Variants in UNC5D observed in about 807,000 individuals in gnomAD.
UNC5D encodes netrin receptor UNC5D.
UNC5D carries 39 observed loss-of-function variants against 105.4 expected under a neutral mutation model. That is an observed-to-expected ratio of 0.37 (90% CI 0.29 to 0.48). The LOEUF (loss-of-function observed/expected upper bound fraction) is 0.48, where lower values mean the gene tolerates loss of function less well. Among genes scored for constraint, UNC5D ranks in the 20% least tolerant of loss-of-function variants. UNC5D has a pLI of 0.98. For missense variants in UNC5D, 991 were observed against 1,202.4 expected (o/e 0.82, Z 2.60); for synonymous variants, 452 against 450.4 (o/e 1.00, Z -0.04).
intron 4 of UNC5D, among the ~76,000 whole-genome samples, chr8:35,659,330 ACCT>A (rs1366569064): frequency 6.6e-6 from 1 of 152,024 alleles, no homozygotes; most frequent in Non-Finnish European, 1.5e-5. Context: ...AAGTAAAGTG[ACCT>A]CCTCTTCTCT....
At position 35,793,156 on chromosome 8, in the gene UNC5D, T is replaced by C. The variant is rs917265783; in HGVS notation, c.*2593T>C. 17 of 456,076 alleles carry C rather than the reference T, an allele frequency of 3.7e-5. No homozygotes were observed. Among genetic ancestry groups the C allele is most frequent in the Admixed American group, 2.8e-4 (12 of 42,516 alleles). The allele number at this position is 456,076 out of a possible 1,614,324, so 28.3% of individuals were successfully genotyped here. A position where few individuals can be genotyped will look rare whatever the true frequency, so the allele number is the denominator to read the frequency against. On this transcript the variant is annotated 3_prime_UTR_variant, in exon 17 of 17. Transcript: ENST00000404895. ...TTGCTGCTAGGATCCTACATAGGATTTCTATAGAAATGTATGAAATTCTGT... is the reference window on the plus strand; with the variant it reads ...TTGCTGCTAGGATCCTACATAGGATCTCTATAGAAATGTATGAAATTCTGT...
intron 1 of UNC5D, among the ~76,000 whole-genome samples, chr8:35,482,376 G>A (rs1898829): frequency 0.42 from 64,361 of 151,948 alleles, 15,971 homozygotes; most frequent in African/African-American, 0.69. Context: ...CAAAATTTGG[G>A]CACATTTCTG....
At chr8:35,317,060 C>A (rs775243585) in intron 1 of UNC5D, among the ~76,000 whole-genome samples, 1 of 152,134 alleles carries the variant, frequency 6.6e-6, no homozygotes, top group Non-Finnish European at 1.5e-5. Flanking sequence ...ATTTCAATTT[C>A]TCCACTTTAT....
intron 4 of UNC5D, among the ~76,000 whole-genome samples, chr8:35,664,943 C>T (rs1824332355): frequency 6.6e-6 from 1 of 152,124 alleles, no homozygotes; most frequent in Non-Finnish European, 1.5e-5. Context: ...AAGTGATCCT[C>T]CCACTGCAGC....
chr8:35,562,438 T>C (rs1817029516), intron 2 of UNC5D, among the ~76,000 whole-genome samples: 1 of 152,144 alleles, frequency 6.6e-6, no homozygotes, highest in Admixed American at 6.6e-5. Flanking sequence ...TATATTAATT[T>C]ACATCCCCAA....
chr8:35,584,795 T>C (rs2579903), intron 3 of UNC5D, among the ~76,000 whole-genome samples: 15,881 of 152,096 alleles, frequency 0.1, 887 homozygotes, highest in African/African-American at 0.14. Context: ...GTTATAGCCT[T>C]TGTAAGACAC....
chr8:35,484,158 G>T (rs1810677133), intron 1 of UNC5D, among the ~76,000 whole-genome samples: 1 of 152,048 alleles, frequency 6.6e-6, no homozygotes, highest in South Asian at 2.1e-4. Flanking sequence ...CAAGCTCCTT[G>T]TCCAAAGCCC....
At chr8:35,572,931 G>A (rs1817839710) in intron 3 of UNC5D, among the ~76,000 whole-genome samples, 1 of 150,826 alleles carries the variant, frequency 6.6e-6, no homozygotes, top group Non-Finnish European at 1.5e-5. Context: ...AGCCTCCCAC[G>A]CAGCTGGGAC....
chr8:35,264,330 C>T (rs954609751), intron 1 of UNC5D, among the ~76,000 whole-genome samples: 8 of 151,760 alleles, frequency 5.3e-5, no homozygotes, highest in African/African-American at 1.9e-4. Context: ...AGGAGCAAAA[C>T]GCCTTTTCAT....
chr8:35,375,300 A>T (rs1264362312), intron 1 of UNC5D, among the ~76,000 whole-genome samples: 1 of 152,228 alleles, frequency 6.6e-6, no homozygotes, highest in African/African-American at 2.4e-5. Flanking sequence ...CACCAAGATA[A>T]TTAGCATGAG....
chr8:35,442,468 G>A (rs1483921661), intron 1 of UNC5D, among the ~76,000 whole-genome samples: 3 of 151,720 alleles, frequency 2.0e-5, no homozygotes, highest in Non-Finnish European at 2.9e-5. Flanking sequence ...TACTTAGGAG[G>A]AATTACAGTA....
chr8:35,282,175 ACAGCAG>A (rs1806233955), intron 1 of UNC5D, among the ~76,000 whole-genome samples: 2 of 152,170 alleles, frequency 1.3e-5, no homozygotes, highest in Admixed American at 1.3e-4. Flanking sequence ...GCCTCATGAA[ACAGCAG>A]CCACTCTCTG....
chr8:35,299,222 G>A (rs1458394928), intron 1 of UNC5D, among the ~76,000 whole-genome samples: 1 of 152,208 alleles, frequency 6.6e-6, no homozygotes, highest in Non-Finnish European at 1.5e-5. Flanking sequence ...ATGGGTGGGA[G>A]TGTGGAATTG....
At chr8:35,265,901 A>C (rs141733386) in intron 1 of UNC5D, among the ~76,000 whole-genome samples, 3,340 of 148,124 alleles carry the variant, frequency 0.023, 128 homozygotes, top group African/African-American at 0.079. Flanking sequence ...TAATAATAAT[A>C]ATAATATATC....
intron 8 of UNC5D, among the ~76,000 whole-genome samples, chr8:35,716,856 T>C (rs182545624): frequency 1.5e-4 from 23 of 152,366 alleles, no homozygotes; most frequent in Admixed American, 1.2e-3. Context: ...AAATGTTTGC[T>C]TCTTGATGAC....
chr8:35,588,203 C>T (rs1054191094), intron 3 of UNC5D, among the ~76,000 whole-genome samples: 5 of 151,774 alleles, frequency 3.3e-5, no homozygotes, highest in African/African-American at 1.2e-4. Context: ...ATGCTCCACC[C>T]TCTCAATATA....
intron 1 of UNC5D, among the ~76,000 whole-genome samples, chr8:35,427,516 C>T (rs1412562712): frequency 1.3e-5 from 2 of 152,156 alleles, no homozygotes; most frequent in African/African-American, 4.8e-5. Context: ...AGTGAGACAG[C>T]TTTGTCCATC....
intron 1 of UNC5D, among the ~76,000 whole-genome samples, chr8:35,336,294 T>C (rs1342913528): frequency 1.3e-5 from 2 of 152,198 alleles, no homozygotes; most frequent in Non-Finnish European, 2.9e-5. Flanking sequence ...GGACATCATT[T>C]AACCTCTCTA....
At chr8:35,387,356 C>G (rs942947885) in intron 1 of UNC5D, among the ~76,000 whole-genome samples, 10 of 106,130 alleles carry the variant, frequency 9.4e-5, no homozygotes, top group Admixed American at 8.1e-4. Flanking sequence ...CAGCGAGACT[C>G]CATCTCAAAA....
Sources: gnomAD v4.1 joint callset for allele counts (sites outside exome capture counted in the v4.1 genomes callset) on GRCh38, gnomAD v4.1.1 for gene constraint, MANE v1.5 for transcripts, NCBI Gene and HGNC (gene_info 2026-07-23, HGNC 2026-07-21) for gene names.